The following ST6GALNAC3 variants were observed in gnomAD, a reference collection of about 807,000 sequenced individuals.
ST6GALNAC3 encodes ST6 N-acetylgalactosaminide alpha-2,6-sialyltransferase 3.
A neutral mutation model predicts 32.7 loss-of-function variants in ST6GALNAC3; 25 were observed. That is an observed-to-expected ratio of 0.76 (90% CI 0.56 to 1.07). ST6GALNAC3 has a LOEUF of 1.07. Ranked by LOEUF, ST6GALNAC3 falls within the 50% of genes least tolerant of loss-of-function variation. The pLI, the probability that ST6GALNAC3 is intolerant of heterozygous loss-of-function variation, is 0.00. For missense variants in ST6GALNAC3, 355 were observed against 382.4 expected (o/e 0.93, Z 0.60); for synonymous variants, 129 against 133.1 (o/e 0.97, Z 0.21).
chr1:76,534,454 C>G (rs1381199065), intron 3 of ST6GALNAC3, among the ~76,000 whole-genome samples: 1 of 152,156 alleles, frequency 6.6e-6, no homozygotes, highest in East Asian at 1.9e-4. Flanking sequence ...CCTCTCACCC[C>G]CTGTAACTCC....
At chr1:76,520,789 G>A (rs549646228) in intron 3 of ST6GALNAC3, among the ~76,000 whole-genome samples, 2 of 152,066 alleles carry the variant, frequency 1.3e-5, no homozygotes, top group Non-Finnish European at 2.9e-5. Context: ...TATCAATATA[G>A]CCATACCAGT....
intron 1 of ST6GALNAC3, 187 bp from the exon 2 acceptor site, chr1:76,313,618 G>A: frequency 1.4e-6 from 1 of 724,038 alleles, no homozygotes; most frequent in Non-Finnish European, 2.5e-6. Context: ...CTTGCTCTCA[G>A]CAGCCCAGCA....
intron 2 of ST6GALNAC3, among the ~76,000 whole-genome samples, chr1:76,351,087 C>T (rs1015584742): frequency 6.6e-6 from 1 of 152,128 alleles, no homozygotes; most frequent in African/African-American, 2.4e-5. Flanking sequence ...GATTAATTTA[C>T]TAGAATTTCT....
chr1:76,167,152 T>C (rs984343599), intron 1 of ST6GALNAC3, among the ~76,000 whole-genome samples: 9 of 152,234 alleles, frequency 5.9e-5, no homozygotes, highest in Non-Finnish European at 1.0e-4. Context: ...AGATGGTTCT[T>C]ATTATTTTGA....
chr1:76,218,124 T>C (rs1050146563), intron 1 of ST6GALNAC3, among the ~76,000 whole-genome samples: 26 of 152,192 alleles, frequency 1.7e-4, no homozygotes, highest in Admixed American at 1.4e-3. Flanking sequence ...CTAGTTTACA[T>C]TCCCACCAAG....
At chr1:76,152,893 T>C (rs1651141940) in intron 1 of ST6GALNAC3, among the ~76,000 whole-genome samples, 1 of 152,210 alleles carries the variant, frequency 6.6e-6, no homozygotes, top group Admixed American at 6.5e-5. Context: ...CCTTATTTTC[T>C]TATTTCCTGA....
intron 3 of ST6GALNAC3, among the ~76,000 whole-genome samples, chr1:76,601,276 A>G (rs1647226392): frequency 6.6e-6 from 1 of 152,102 alleles, no homozygotes; most frequent in Admixed American, 6.6e-5. Flanking sequence ...AATTTCACTA[A>G]TTTTTGTTAT....
intron 3 of ST6GALNAC3, among the ~76,000 whole-genome samples, chr1:76,504,955 G>A (rs192382992): frequency 1.1e-4 from 16 of 152,094 alleles, no homozygotes; most frequent in Admixed American, 7.2e-4. Flanking sequence ...TCTCTCATAC[G>A]GTAATTTCAC....
intron 1 of ST6GALNAC3, among the ~76,000 whole-genome samples, chr1:76,144,919 A>G (rs1441452591): frequency 6.6e-6 from 1 of 152,226 alleles, no homozygotes; most frequent in East Asian, 1.9e-4. Context: ...CTCTGTTATG[A>G]GTTGAGTGGC....
intron 2 of ST6GALNAC3, among the ~76,000 whole-genome samples, chr1:76,367,243 A>G (rs1469743309): frequency 5.3e-5 from 8 of 152,166 alleles, no homozygotes; most frequent in Non-Finnish European, 1.0e-4. Context: ...CTTTTCATAT[A>G]TACATTAAGT....
At chr1:76,403,818 T>C (rs577236407) in intron 2 of ST6GALNAC3, among the ~76,000 whole-genome samples, 1 of 152,182 alleles carries the variant, frequency 6.6e-6, no homozygotes, top group South Asian at 2.1e-4. Context: ...AGAGGTAAGT[T>C]GGCCATAAAA....
intron 1 of ST6GALNAC3, among the ~76,000 whole-genome samples, chr1:76,237,231 T>A (rs1656706214): frequency 6.6e-6 from 1 of 152,146 alleles, no homozygotes; most frequent in Admixed American, 6.5e-5. Context: ...TCTCTTGGGT[T>A]CAAGGGATTC....
chr1:76,183,868 A>ATATATATATATATATATATATG (rs1653353392), intron 1 of ST6GALNAC3, among the ~76,000 whole-genome samples: 1 of 146,506 alleles, frequency 6.8e-6, no homozygotes, highest in African/African-American at 2.5e-5. Flanking sequence ...ATATATATAT[A>ATATATATATATATATATATATG]TATATGTATG....
rs1649178295 is a variant in ST6GALNAC3 at position 76,629,378 on chromosome 1, CA to C, written c.*573del. On this transcript the variant is annotated 3_prime_UTR_variant, in exon 5 of 5. Coordinates refer to ENST00000328299, the MANE Select transcript of ST6GALNAC3 (RefSeq NM_152996.4). ...ATTTCCTACAGCTAAAGCCTCAGGC[CA>C]TTGCCTAATTAACAATGAAGATTTC... 1.0e-6 allele frequency: 1 copy of C among 985,226 alleles called. No individual in the cohort carries two copies. Among genetic ancestry groups the C allele is most frequent in the African/African-American group, 1.7e-5 (1 of 57,164 alleles). The allele number at this position is 985,226 out of a possible 1,614,324, so 61.0% of individuals were successfully genotyped here. A position where few individuals can be genotyped will look rare whatever the true frequency, so the allele number is the denominator to read the frequency against.
At position 76,074,753 on chromosome 1, in the gene ST6GALNAC3, C is replaced by T; in HGVS notation, c.-114C>T. 8.5e-7 allele frequency: 1 copy of T among 1,182,114 alleles called. No individual in the cohort carries two copies. The highest frequency in any genetic ancestry group is 1.2e-6 in the Non-Finnish European group (1 of 850,044). The allele number at this position is 1,182,114 out of a possible 1,614,324, so 73.2% of individuals were successfully genotyped here. ...ACCGCGGTCCCCTTATTTGGATCTG[C>T]GGGAATGTGGGCTGGAGAGGTCCTG... On this transcript the variant is annotated 5_prime_UTR_variant, in exon 1 of 5. Coordinates refer to ENST00000328299, the MANE Select transcript of ST6GALNAC3 (RefSeq NM_152996.4).
At chr1:76,211,880 ACATATGTAACAAACCTG>A (rs1655188984) in intron 1 of ST6GALNAC3, among the ~76,000 whole-genome samples, 1 of 152,164 alleles carries the variant, frequency 6.6e-6, no homozygotes, top group South Asian at 2.1e-4. Context: ...GCACATGTAT[ACATATGTAACAAACCTG>A]CACATTGTGC....
chr1:76,317,432 A>G (rs879845500), intron 2 of ST6GALNAC3, among the ~76,000 whole-genome samples: 13 of 152,172 alleles, frequency 8.5e-5, no homozygotes, highest in Non-Finnish European at 1.8e-4. Context: ...AATAGTGACC[A>G]CAAAACCATG....
intron 3 of ST6GALNAC3, among the ~76,000 whole-genome samples, chr1:76,584,595 A>T (rs1310276109): frequency 6.6e-6 from 1 of 152,214 alleles, no homozygotes; most frequent in Non-Finnish European, 1.5e-5. Flanking sequence ...CAATATCTTA[A>T]ATGCTAGCAG....
intron 3 of ST6GALNAC3, among the ~76,000 whole-genome samples, chr1:76,461,251 C>T (rs1658259033): frequency 6.6e-6 from 1 of 152,096 alleles, no homozygotes; most frequent in Non-Finnish European, 1.5e-5. Context: ...ACATAGTGAA[C>T]AGTTATCATT....
Sources: allele counts gnomAD v4.1 joint callset (sites outside exome capture counted in the v4.1 genomes callset), GRCh38; gene constraint gnomAD v4.1.1; transcripts MANE v1.5; gene names NCBI Gene and HGNC (gene_info 2026-07-23, HGNC 2026-07-21).